The following OR51B5 variants were observed in gnomAD, a reference collection of about 807,000 sequenced individuals.
OR51B5 encodes olfactory receptor family 51 subfamily B member 5, also known as olfactory receptor 51B5.
For missense variants in OR51B5, 456 were observed against 374.6 expected, an observed-to-expected ratio of 1.22 and a Z score of -1.79; for synonymous variants, 186 against 144.8, an observed-to-expected ratio of 1.28 and a Z score of -2.04.
chr11:5,401,362 C>T (rs538091256), intron 1 of OR51B5, among the ~76,000 whole-genome samples: 28 of 152,332 alleles, frequency 1.8e-4, no homozygotes, highest in African/African-American at 5.1e-4. Context: ...CACACATCCA[C>T]GAACGTAGGT....
chr11:5,342,896 A>C, exon 1 of OR51B5: 1 of 1,613,906 alleles, frequency 6.2e-7, no homozygotes, highest in Non-Finnish European at 8.5e-7. Flanking sequence ...GAAGATAATC[A>C]GATAATCCAG....
intron 1 of OR51B5, among the ~76,000 whole-genome samples, chr11:5,457,762 T>C (rs2133791177): frequency 1.3e-5 from 2 of 152,370 alleles, no homozygotes; most frequent in East Asian, 3.9e-4. Flanking sequence ...GCCACGTATA[T>C]GTCTTCTTTT....
intron 1 of OR51B5, among the ~76,000 whole-genome samples, chr11:5,492,282 C>CA (rs149726319): frequency 0.021 from 3,252 of 151,598 alleles, 119 homozygotes; most frequent in African/African-American, 0.075. Flanking sequence ...ATGTAGAATT[C>CA]AAAAAAACAA....
chr11:5,352,757 TAC>T (rs1849119446), intron 1 of OR51B5, among the ~76,000 whole-genome samples: 1 of 149,924 alleles, frequency 6.7e-6, no homozygotes, highest in African/African-American at 2.5e-5. Context: ...CATACATACT[TAC>T]ACACATACAT....
At chr11:5,417,625 A>G (rs1004864343) in intron 1 of OR51B5, among the ~76,000 whole-genome samples, 17 of 151,832 alleles carry the variant, frequency 1.1e-4, no homozygotes, top group Admixed American at 1.1e-3. Flanking sequence ...ACATGAACAG[A>G]CACTTCTCAA....
At chr11:5,368,484 T>C (rs987175177) in intron 1 of OR51B5, among the ~76,000 whole-genome samples, 2 of 152,192 alleles carry the variant, frequency 1.3e-5, no homozygotes, top group Admixed American at 6.5e-5. Flanking sequence ...ATAATCATCA[T>C]TGAAAATTTT....
intron 1 of OR51B5, among the ~76,000 whole-genome samples, chr11:5,450,774 A>G (rs996894076): frequency 6.6e-6 from 1 of 152,206 alleles, no homozygotes; most frequent in Non-Finnish European, 1.5e-5. Flanking sequence ...GTAAGAGAGA[A>G]GAGAGTCACT....
At chr11:5,440,506 T>C in intron 1 of OR51B5, 1 of 1,133,268 alleles carries the variant, frequency 8.8e-7, no homozygotes, top group Non-Finnish European at 1.3e-6. Flanking sequence ...ACTTTAGCAT[T>C]CCTTAAGTTG....
Position 5,352,172 on chromosome 11 carries a change from C to T in OR51B5, n.85-5262G>A, listed in dbSNP as rs1189754090. 3 of 1,614,062 alleles carry T rather than the reference C, an allele frequency of 1.9e-6. No individual in the cohort carries two copies. The African/African-American group carries it at 4.0e-5, about 22-fold the overall frequency. On this transcript the variant is annotated intron_variant and non_coding_transcript_variant, in intron 1 of 4. Coordinates refer to the OR51B5 transcript ENST00000415970. ...TTCTCCTACATTTTGATTCTCAAGACTGTCATGGGCATTGGTTCTGGAGGA... is the reference window on the plus strand; with the variant it reads ...TTCTCCTACATTTTGATTCTCAAGATTGTCATGGGCATTGGTTCTGGAGGA...
chr11:5,387,491 T>TATATCCATGCAGCACCTCTGCTCTCA (rs558400842), intron 1 of OR51B5, among the ~76,000 whole-genome samples: 170 of 152,316 alleles, frequency 1.1e-3, no homozygotes, highest in African/African-American at 4.0e-3. Flanking sequence ...ATGTAAGCCT[T>TATATCCATGCAGCACCTCTGCTCTCA]ATATCCATGC....
At chr11:5,361,930 G>A (rs2723380) in intron 1 of OR51B5, among the ~76,000 whole-genome samples, 57,740 of 151,992 alleles carry the variant, frequency 0.38, 11,199 homozygotes, top group Non-Finnish European at 0.41. Flanking sequence ...AAAAGATGAA[G>A]TTAGAGTGAG....
chr11:5,448,222 C>A (rs1850797441), intron 1 of OR51B5, among the ~76,000 whole-genome samples: 1 of 152,048 alleles, frequency 6.6e-6, no homozygotes, highest in African/African-American at 2.4e-5. Context: ...ATATTCTGAC[C>A]AGACCATAAC....
chr11:5,356,893 G>A (rs1253908889), intron 1 of OR51B5, among the ~76,000 whole-genome samples: 2 of 147,948 alleles, frequency 1.4e-5, no homozygotes, highest in Non-Finnish European at 3.0e-5. Context: ...ATAAGTGAAG[G>A]AGAAATAAAA....
chr11:5,353,451 A>AAAAC (rs1437464475), intron 1 of OR51B5, among the ~76,000 whole-genome samples: 3 of 150,010 alleles, frequency 2.0e-5, no homozygotes, highest in Non-Finnish European at 4.4e-5. Context: ...GCAGAGTTGA[A>AAAAC]AAACAAACAG....
chr11:5,437,884 CTCTCCCTTT>C (rs1332919350), intron 1 of OR51B5, among the ~76,000 whole-genome samples: 1 of 152,138 alleles, frequency 6.6e-6, no homozygotes, highest in African/African-American at 2.4e-5. Flanking sequence ...CAGGAAGGCT[CTCTCCCTTT>C]TCTATCAAGT....
In OR51B5 at chr11:5,430,971, C is replaced by T. The variant is rs140122819; in HGVS notation, n.84+74598G>A. Reference sequence around the variant, plus strand: ...AAGAGACCACGATAAGCAATGAGTCCAGCCCGAAATTTGCGAGAACAATGG... The same window carrying T: ...AAGAGACCACGATAAGCAATGAGTCTAGCCCGAAATTTGCGAGAACAATGG... On this transcript the variant is annotated intron_variant and non_coding_transcript_variant, in intron 1 of 4. Transcript: ENST00000415970. 1.9e-3 allele frequency: 855 copies of T among 456,954 alleles called. 4 individuals are homozygous for T. Among genetic ancestry groups the T allele is most frequent in the Non-Finnish European group, 3.2e-3 (725 of 227,030 alleles). The allele number at this position is 456,954 out of a possible 1,614,324, so 28.3% of individuals were successfully genotyped here.
At chr11:5,466,512 TA>T (rs59527298) in intron 1 of OR51B5, among the ~76,000 whole-genome samples, 1 of 152,006 alleles carries the variant, frequency 6.6e-6, no homozygotes, top group African/African-American at 2.4e-5. Context: ...TTAGCATTAA[TA>T]AAAAAAAGAC....
intron 1 of OR51B5, among the ~76,000 whole-genome samples, chr11:5,381,585 A>G (rs1035460093): frequency 5.3e-5 from 8 of 152,238 alleles, no homozygotes; most frequent in African/African-American, 1.4e-4. Flanking sequence ...AGGCAAGACC[A>G]TGACATGTTA....
At chr11:5,420,316 TTC>T (rs1259433189) in intron 1 of OR51B5, among the ~76,000 whole-genome samples, 3 of 152,068 alleles carry the variant, frequency 2.0e-5, no homozygotes, top group African/African-American at 4.8e-5. Flanking sequence ...TCATAAAAAT[TTC>T]TCTGTTATTT....
Sources: allele counts gnomAD v4.1 joint callset (sites outside exome capture counted in the v4.1 genomes callset), GRCh38; gene constraint gnomAD v4.1.1; transcripts MANE v1.5; gene names NCBI Gene and HGNC (gene_info 2026-07-23, HGNC 2026-07-21).